The following BFAR variants were observed in gnomAD, a reference collection of about 807,000 sequenced individuals.
BFAR encodes the protein RING finger protein 47.
In BFAR, 52 loss-of-function variants were observed where a neutral mutation model predicts 54.4. The observed-to-expected ratio is 0.96, with a 90% CI of 0.77 to 1.21. The LOEUF (loss-of-function observed/expected upper bound fraction) is 1.21. BFAR is among the 50% of genes most tolerant of loss of function. The pLI is 0.00. For missense variants in BFAR, 571 were observed against 534.0 expected, an observed-to-expected ratio of 1.07 and a Z score of -0.68; for synonymous variants, 215 against 204.3, an observed-to-expected ratio of 1.05 and a Z score of -0.45.
At chr16:14,646,051 G>C (rs1959785553) in intron 2 of BFAR, among the ~76,000 whole-genome samples, 1 of 151,658 alleles carries the variant, frequency 6.6e-6, no homozygotes, top group Admixed American at 6.6e-5. Context: ...GGGTTTTTTT[G>C]TTTGTTTTTT....
chr16:14,633,533 G>A (rs1959330794), intron 1 of BFAR: 1 of 152,280 alleles, frequency 6.6e-6, no homozygotes, highest in Non-Finnish European at 1.5e-5. Context: ...TTTAAAGTAG[G>A]GTGACCGAAG....
intron 7 of BFAR, among the ~76,000 whole-genome samples, chr16:14,665,996 G>A (rs576232762): frequency 6.6e-6 from 1 of 152,280 alleles, no homozygotes; most frequent in South Asian, 2.1e-4. Context: ...CTCTTTCTCT[G>A]TCCCTCACAG....
chr16:14,641,393 G>T (rs1252301552), intron 1 of BFAR, among the ~76,000 whole-genome samples: 1 of 152,108 alleles, frequency 6.6e-6, no homozygotes, highest in African/African-American at 2.4e-5. Context: ...AGGAGGTGGA[G>T]GCCTTCTCAA....
intron 1 of BFAR, among the ~76,000 whole-genome samples, chr16:14,637,793 C>T (rs1199832541): frequency 2.6e-5 from 4 of 151,428 alleles, no homozygotes; most frequent in Non-Finnish European, 4.4e-5. Context: ...TGTGCCACTG[C>T]ACTCCAGCCT....
intron 4 of BFAR, among the ~76,000 whole-genome samples, chr16:14,650,982 G>T (rs538722058): frequency 9.4e-4 from 143 of 152,270 alleles, no homozygotes; most frequent in African/African-American, 3.2e-3. Context: ...TTATCAAATT[G>T]TGTAAGGAAA....
intron 7 of BFAR, among the ~76,000 whole-genome samples, chr16:14,665,796 C>A (rs1960425507): frequency 6.6e-6 from 1 of 152,156 alleles, no homozygotes; most frequent in African/African-American, 2.4e-5. Context: ...AGATTAGCAT[C>A]CAATATAGAG....
At chr16:14,641,270 C>G (rs1959617230) in intron 1 of BFAR, among the ~76,000 whole-genome samples, 1 of 152,108 alleles carries the variant, frequency 6.6e-6, no homozygotes, top group Non-Finnish European at 1.5e-5. Context: ...GTCTTTGGAG[C>G]CTTCAAGATG....
chr16:14,634,943 C>A (rs980229092), intron 1 of BFAR, among the ~76,000 whole-genome samples: 1 of 152,200 alleles, frequency 6.6e-6, no homozygotes, highest in African/African-American at 2.4e-5. Flanking sequence ...TAAAGACTTT[C>A]AAGTGACAGT....
At chr16:14,633,510 A>G (rs1019148769) in intron 1 of BFAR, 2 of 152,228 alleles carry the variant, frequency 1.3e-5, no homozygotes, top group Non-Finnish European at 2.9e-5. Context: ...AGGCGGAGCG[A>G]TTGTGCCCAT....
chr16:14,653,083 A>G (rs991100676), intron 4 of BFAR, among the ~76,000 whole-genome samples: 8 of 152,214 alleles, frequency 5.3e-5, no homozygotes, highest in African/African-American at 1.9e-4. Flanking sequence ...TAGTTAGTAC[A>G]ATGTATTTTT....
Position 14,661,945 on chromosome 16 carries a change from C to T in BFAR, c.837C>T (p.Pro279=). 6.2e-7 allele frequency: 1 copy of T among 1,614,170 alleles called. No homozygotes were observed. Among genetic ancestry groups the T allele is most frequent in the Non-Finnish European group, 8.5e-7 (1 of 1,180,036 alleles). ...TGCTATACGCCCTCAAGAGCTCCCC[C>T]AGGCTGAGTCTGCTCTACCTGTACC... is the stretch of plus-strand genomic sequence containing the variant. ...LFLLYALKSS[P]RLSLLYLYLF... Residue 279 remains proline (P), a synonymous_variant, in exon 6 of 8, where the codon CCC becomes CCT. Coordinates refer to ENST00000261658, the MANE Select transcript of BFAR (RefSeq NM_016561.3).
chr16:14,648,743 A>G (rs1463278708), intron 3 of BFAR, 151 bp downstream of exon 3: 3 of 640,926 alleles, frequency 4.7e-6, no homozygotes, highest in Non-Finnish European at 8.1e-6. Context: ...GCTGGGTTCT[A>G]TGATTTCCTC....
At chr16:14,635,352 A>G (rs914317322) in intron 1 of BFAR, among the ~76,000 whole-genome samples, 3 of 152,184 alleles carry the variant, frequency 2.0e-5, no homozygotes, top group Non-Finnish European at 4.4e-5. Context: ...TAAAAGATTG[A>G]AAACAAACAA....
rs759394390 is a variant in BFAR, at chr16:14,648,377, A to G, written c.264-11A>G. On this transcript the variant is annotated splice_polypyrimidine_tract_variant and intron_variant, in intron 2 of 7. Transcript: ENST00000261658. ...ACAACTGTCTTAATTTTTTTTTTCT[A>G]TTCTCCATAGGGATGCCATTGAAAA... 4 of 1,586,314 alleles carry G rather than the reference A, an allele frequency of 2.5e-6. No homozygotes were observed. The highest frequency in any genetic ancestry group is 1.7e-6 in the Non-Finnish European group (2 of 1,165,810).
chr16:14,667,530 G>A (rs564724021), intron 7 of BFAR, 105 bp from the exon 8 acceptor site: 189 of 1,056,102 alleles, frequency 1.8e-4, no homozygotes, highest in Non-Finnish European at 2.3e-4. Context: ...CATTCAGCAC[G>A]GGCAGCCATG....
At chr16:14,651,880 ATTTT>A (rs35251866) in intron 4 of BFAR, among the ~76,000 whole-genome samples, 2 of 111,152 alleles carry the variant, frequency 1.8e-5, no homozygotes, top group Non-Finnish European at 1.8e-5. Context: ...GACATGCCCA[ATTTT>A]TTTTTTTTTT....
Position 14,644,521 on chromosome 16 carries a change from G to A in BFAR, c.175G>A (p.Ala59Thr). 1 of 1,614,062 alleles carries A rather than the reference G, an allele frequency of 6.2e-7. No individual in the cohort carries two copies. The highest frequency in any genetic ancestry group is 8.5e-7 in the Non-Finnish European group (1 of 1,180,000). ...GCACAGCTTCTGCCGTCACTGCCTTGCTTTATGGTGGGCATCTTCAAAGAA... is the reference window on the plus strand; with the variant it reads ...GCACAGCTTCTGCCGTCACTGCCTTACTTTATGGTGGGCATCTTCAAAGAA... The part of the protein sequence containing the change: ...CGHSFCRHCL[A>T]LWWASSKKTE... Residue 59 changes from alanine to threonine, a missense_variant, in exon 2 of 8, where the codon GCT (alanine) becomes ACT (threonine). Physicochemically the swap from Ala to Thr is moderately conservative, Grantham distance 58. Transcript: ENST00000261658.
intron 1 of BFAR, among the ~76,000 whole-genome samples, chr16:14,638,220 A>C (rs1959513860): frequency 6.6e-6 from 1 of 152,160 alleles, no homozygotes; most frequent in Middle Eastern, 3.4e-3. Context: ...CTGTCTATAC[A>C]AAAAAAATTT....
intron 5 of BFAR, among the ~76,000 whole-genome samples, chr16:14,659,887 TA>T (rs1960242499): frequency 6.6e-6 from 1 of 152,210 alleles, no homozygotes; most frequent in African/African-American, 2.4e-5. Flanking sequence ...AGAATCTTTT[TA>T]AAAATGCAAT....
Sources: allele counts gnomAD v4.1 joint callset (sites outside exome capture counted in the v4.1 genomes callset), GRCh38; gene constraint gnomAD v4.1.1; transcripts MANE v1.5; gene names NCBI Gene and HGNC (gene_info 2026-07-23, HGNC 2026-07-21).